GADL1: variants seen among roughly 807,000 people sequenced by gnomAD.
GADL1 encodes the protein GAD like acidic amino acid decarboxylase 1.
A neutral mutation model predicts 69.5 loss-of-function variants in GADL1; 71 were observed. The ratio of observed to expected loss-of-function variants is 1.02; its 90% confidence interval spans 0.84 to 1.25. The LOEUF (loss-of-function observed/expected upper bound fraction) is 1.25, where lower values mean the gene tolerates loss of function less well. Among genes scored for constraint, GADL1 ranks in the 50% most tolerant of loss-of-function variants. The pLI, the probability that GADL1 is intolerant of heterozygous loss-of-function variation, is 0.00. For synonymous variants in GADL1, 254 were observed against 214.4 expected (o/e 1.18, Z -1.62); for missense variants, 737 against 631.8 (o/e 1.17, Z -1.79).
chr3:30,754,740 A>C (rs1695924319), intron 14 of GADL1, among the ~76,000 whole-genome samples: 1 of 152,200 alleles, frequency 6.6e-6, no homozygotes, highest in Non-Finnish European at 1.5e-5. Flanking sequence ...AAGCAGTGAG[A>C]TGTTTACTAT....
chr3:30,883,476 C>G (rs1175210442), intron 1 of GADL1, among the ~76,000 whole-genome samples: 1 of 151,966 alleles, frequency 6.6e-6, no homozygotes, highest in East Asian at 1.9e-4. Context: ...GGGGTTATTT[C>G]TGATTTCTCT....
chr3:30,878,365 A>C (rs899780898), intron 1 of GADL1, among the ~76,000 whole-genome samples: 3 of 151,938 alleles, frequency 2.0e-5, no homozygotes, highest in Non-Finnish European at 4.4e-5. Context: ...TCATGGAAGT[A>C]GCTCAGGGAA....
intron 8 of GADL1, among the ~76,000 whole-genome samples, chr3:30,842,365 T>C (rs1338036780): frequency 6.6e-6 from 1 of 152,062 alleles, no homozygotes; most frequent in Non-Finnish European, 1.5e-5. Flanking sequence ...TATCTAGTGG[T>C]GGTATGAGGG....
intron 14 of GADL1, 56 bp from the exon 15 acceptor site, chr3:30,728,471 AT>A (rs903145258): frequency 5.4e-5 from 78 of 1,444,828 alleles, no homozygotes; most frequent in Non-Finnish European, 7.7e-6. Flanking sequence ...AGGCATTTCA[AT>A]AGCATTTTCA....
At chr3:30,747,426 G>A (rs1036295100) in intron 14 of GADL1, among the ~76,000 whole-genome samples, 4 of 152,116 alleles carry the variant, frequency 2.6e-5, no homozygotes, top group Admixed American at 6.6e-5. Context: ...AGGAAGGGTA[G>A]GAGAGAGTGA....
Position 30,841,476 on chromosome 3 carries a change from TA to T in GADL1, c.787-2364del, listed in dbSNP as rs536306637. Among the ~76,000 whole-genome samples the T allele has an allele frequency of 3.5e-4, 52 of 150,560 alleles. No homozygotes were observed. In the East Asian group the frequency reaches 6.6e-3, roughly 19 times the overall value. Reference sequence around the variant, plus strand: ...TAGAAACATGAATTCCTAATGACACTAAAAAAAAATGGGGATTATCTTTAGG... The same window carrying T: ...TAGAAACATGAATTCCTAATGACACTAAAAAAAATGGGGATTATCTTTAGG... On this transcript the variant is annotated intron_variant, in intron 8 of 14. Transcript: ENST00000282538.
intron 14 of GADL1, 72 bp downstream of exon 14, chr3:30,778,107 T>G: frequency 1.1e-6 from 1 of 873,796 alleles, no homozygotes; most frequent in South Asian, 1.4e-5. Flanking sequence ...CCCTCTTATT[T>G]ATAGGATCAA....
chr3:30,844,182 C>G (rs929669176), intron 8 of GADL1, 28 bp downstream of exon 8: 42 of 1,586,952 alleles, frequency 2.6e-5, no homozygotes, highest in Non-Finnish European at 3.3e-5. Context: ...CACACGTTCT[C>G]TCTCCCTCTC....
At chr3:30,805,401 AAG>A (rs1575213670) in intron 11 of GADL1, among the ~76,000 whole-genome samples, 1 of 152,306 alleles carries the variant, frequency 6.6e-6, no homozygotes, top group East Asian at 1.9e-4. Flanking sequence ...AAAATGGCAG[AAG>A]AGAGAACACT....
chr3:30,769,766 C>CT lies in GADL1; in HGVS notation c.1392+8412dup, dbSNP rs375480164. On this transcript the variant is annotated intron_variant, in intron 14 of 14. Coordinates refer to ENST00000282538, the MANE Select transcript of GADL1 (RefSeq NM_207359.3). ...TTAAAACACCCACTACTTGACAGATCTGACAGTATGAGACCGTTATCTTCT... is the reference window on the plus strand; with the variant it reads ...TTAAAACACCCACTACTTGACAGATCTTGACAGTATGAGACCGTTATCTTCT... Among the ~76,000 whole-genome samples the CT allele has an allele frequency of 2.6e-3, 399 of 152,324 alleles. 2 individuals are homozygous for CT. Among genetic ancestry groups the CT allele is most frequent in the African/African-American group, 9.2e-3 (382 of 41,574 alleles).
chr3:30,742,533 A>G (rs1695641514), intron 14 of GADL1, among the ~76,000 whole-genome samples: 1 of 152,112 alleles, frequency 6.6e-6, no homozygotes, highest in Non-Finnish European at 1.5e-5. Flanking sequence ...TAGGTTTTAT[A>G]GATATACAAT....
chr3:30,882,980 C>A (rs1575247516), intron 1 of GADL1, among the ~76,000 whole-genome samples: 1 of 151,988 alleles, frequency 6.6e-6, no homozygotes, highest in Non-Finnish European at 1.5e-5. Flanking sequence ...GAAGAAATGT[C>A]TTTTCAAGTA....
At chr3:30,785,890 TAC>T (rs1465620108) in intron 13 of GADL1, among the ~76,000 whole-genome samples, 2 of 152,216 alleles carry the variant, frequency 1.3e-5, no homozygotes, top group East Asian at 3.8e-4. Context: ...CCTAATTTCT[TAC>T]ACATAGCAAA....
At chr3:30,765,467 TA>T (rs1696253952) in intron 14 of GADL1, among the ~76,000 whole-genome samples, 1 of 122,576 alleles carries the variant, frequency 8.2e-6, no homozygotes, top group African/African-American at 3.0e-5. Context: ...ATCAATAAAT[TA>T]TTTTCTATGC....
chr3:30,793,883 C>G (rs983564823), intron 12 of GADL1, among the ~76,000 whole-genome samples: 1 of 152,268 alleles, frequency 6.6e-6, no homozygotes, highest in Admixed American at 6.5e-5. Context: ...TCTTCTGATG[C>G]ATTGAGCCTC....
At chr3:30,753,525 T>C (rs954819079) in intron 14 of GADL1, among the ~76,000 whole-genome samples, 23 of 151,758 alleles carry the variant, frequency 1.5e-4, no homozygotes, top group African/African-American at 5.6e-4. Context: ...AGAAAGGTGA[T>C]TAATGAAAAA....
chr3:30,894,504 G>T, intron 1 of GADL1, 74 bp downstream of exon 1: 4 of 1,241,002 alleles, frequency 3.2e-6, no homozygotes, highest in East Asian at 2.7e-5. Flanking sequence ...CTAGTCCCCA[G>T]GTCAAAAATA....
At chr3:30,796,404 A>G (rs1214224095) in intron 12 of GADL1, among the ~76,000 whole-genome samples, 1 of 152,160 alleles carries the variant, frequency 6.6e-6, no homozygotes, top group Non-Finnish European at 1.5e-5. Context: ...GGATCAGTAC[A>G]CATTCTATAA....
chr3:30,821,010 A>G (rs1272434317), intron 11 of GADL1, among the ~76,000 whole-genome samples: 2 of 152,140 alleles, frequency 1.3e-5, no homozygotes, highest in Non-Finnish European at 2.9e-5. Flanking sequence ...TGATGAGTTC[A>G]TGTCCTTTGT....
Sources: allele counts gnomAD v4.1 joint callset (sites outside exome capture counted in the v4.1 genomes callset), GRCh38; gene constraint gnomAD v4.1.1; transcripts MANE v1.5; gene names NCBI Gene and HGNC (gene_info 2026-07-23, HGNC 2026-07-21).